Variants in POU6F2 observed in about 807,000 individuals in gnomAD.
POU6F2 encodes the protein POU class 6 homeobox 2.
POU6F2 carries 31 observed loss-of-function variants against 71.3 expected under a neutral mutation model. The ratio of observed to expected loss-of-function variants is 0.43; its 90% CI spans 0.33 to 0.59. The LOEUF is 0.59. Ranked by LOEUF, POU6F2 falls within the 20% of genes least tolerant of loss-of-function variation. POU6F2 has a pLI of 0.04. For synonymous variants in POU6F2, 347 were observed against 355.7 expected (o/e 0.98, Z 0.27); for missense variants, 783 against 856.8 (o/e 0.91, Z 1.07).
At chr7:39,068,482 A>T (rs1790805737) in intron 1 of POU6F2, among the ~76,000 whole-genome samples, 1 of 112,168 alleles carries the variant, frequency 8.9e-6, no homozygotes, top group Non-Finnish European at 1.7e-5. Flanking sequence ...ATATACACCT[A>T]GTACATGCAT....
chr7:39,068,853 G>C (rs539743489), intron 1 of POU6F2, among the ~76,000 whole-genome samples: 6 of 152,176 alleles, frequency 3.9e-5, no homozygotes, highest in African/African-American at 1.4e-4. Flanking sequence ...CCACTGTTTA[G>C]CATTCATAAA....
intron 4 of POU6F2, among the ~76,000 whole-genome samples, chr7:39,266,695 C>CCTT (rs1554336693): frequency 9.5e-6 from 1 of 105,114 alleles, no homozygotes. Flanking sequence ...CGCACCTGGC[C>CCTT]TTTTTTTTTT....
At chr7:39,017,397 C>G (rs1317023485) in intron 1 of POU6F2, among the ~76,000 whole-genome samples, 1 of 152,174 alleles carries the variant, frequency 6.6e-6, no homozygotes, top group Non-Finnish European at 1.5e-5. Context: ...AAATCACCAT[C>G]TTTAGTCGCT....
At position 39,406,615 on chromosome 7, in the gene POU6F2, C is replaced by T. The variant is rs1356328875; in HGVS notation, c.988C>T (p.Leu330=). 2 of 1,613,376 alleles carry T rather than the reference C, an allele frequency of 1.2e-6. No individual in the cohort carries two copies. The highest frequency in any genetic ancestry group is 1.7e-5 in the Admixed American group (1 of 59,998). Reference sequence around the variant, plus strand: ...CTCTTTGCAGCTGGTTAATAATCCACTAGCAAGTCAGGCTGCAGCGGCTGC... The same window carrying T: ...CTCTTTGCAGCTGGTTAATAATCCATTAGCAAGTCAGGCTGCAGCGGCTGC... ...PNPLQLVNNP[L]ASQAAAAAAA... is the part of the protein sequence containing the mutation. The change falls in exon 6 of 10, where the codon CTA becomes TTA. Residue 330 remains leucine (L), a synonymous_variant. Coordinates refer to ENST00000518318, the MANE Select transcript of POU6F2 (RefSeq NM_001370959.1).
intron 2 of POU6F2, among the ~76,000 whole-genome samples, chr7:39,201,749 C>A (rs3924710): frequency 6.6e-6 from 1 of 151,976 alleles, no homozygotes; most frequent in African/African-American, 2.4e-5. Context: ...ATGTCAAATT[C>A]TCTGCAAACG....
chr7:39,461,162 A>T (rs931222127), intron 9 of POU6F2, among the ~76,000 whole-genome samples: 1 of 152,238 alleles, frequency 6.6e-6, no homozygotes, highest in African/African-American at 2.4e-5. Context: ...AAAAAAAATT[A>T]ACTATCTTGT....
In POU6F2 at chr7:39,150,274, T is replaced by C. The variant is rs569189992; in HGVS notation, c.278-53961T>C. On this transcript the variant is annotated intron_variant, in intron 2 of 9. Coordinates refer to ENST00000518318, the MANE Select transcript of POU6F2 (RefSeq NM_001370959.1). ...GTGTGTGTGTGTAGCATCTAGGTTG[T>C]TTTCACCTATTGGCTATTGTGACTA... Among the ~76,000 whole-genome samples the C allele has an allele frequency of 8.8e-4, 123 of 139,512 alleles. 1 individual carries two copies. The highest frequency in any genetic ancestry group is 3.0e-3 in the African/African-American group (111 of 36,640). 91.5% of individuals were successfully genotyped at this position (139,512 alleles called of 152,430 possible). A position where few individuals can be genotyped will look rare whatever the true frequency, so the allele number is the denominator to read the frequency against.
chr7:39,229,869 G>A (rs1461521259), intron 4 of POU6F2, among the ~76,000 whole-genome samples: 2 of 152,122 alleles, frequency 1.3e-5, no homozygotes, highest in Non-Finnish European at 2.9e-5. Context: ...CTCGATGTTC[G>A]TGTGTGGACT....
intron 4 of POU6F2, among the ~76,000 whole-genome samples, chr7:39,213,710 T>C (rs1210408193): frequency 6.6e-6 from 1 of 152,236 alleles, no homozygotes; most frequent in Non-Finnish European, 1.5e-5. Context: ...TACAACAGTA[T>C]AGTAGTTCCT....
chr7:39,119,062 C>T (rs1438828600), intron 2 of POU6F2, among the ~76,000 whole-genome samples: 2 of 152,150 alleles, frequency 1.3e-5, no homozygotes, highest in Non-Finnish European at 2.9e-5. Context: ...GGAGGATTTG[C>T]TCCAGCAAAA....
intron 5 of POU6F2, among the ~76,000 whole-genome samples, chr7:39,368,018 T>C (rs1786538421): frequency 1.3e-5 from 2 of 152,176 alleles, no homozygotes; most frequent in Non-Finnish European, 2.9e-5. Context: ...CAGGCCTCTC[T>C]ATTCCCTGAG....
At chr7:39,183,532 G>A (rs543743717) in intron 2 of POU6F2, among the ~76,000 whole-genome samples, 3 of 152,176 alleles carry the variant, frequency 2.0e-5, no homozygotes, top group South Asian at 4.2e-4. Flanking sequence ...AATAGCAAGG[G>A]GGAAACCTGC....
intron 4 of POU6F2, among the ~76,000 whole-genome samples, chr7:39,315,327 C>G (rs1370058138): frequency 1.3e-5 from 2 of 152,122 alleles, no homozygotes; most frequent in Non-Finnish European, 2.9e-5. Context: ...GCTTGGCTTG[C>G]AGCTGGTCAT....
rs34937385 is a variant in POU6F2, at chr7:39,003,748, C to CA, written c.105+25703dup. Among the ~76,000 whole-genome samples the CA allele has an allele frequency of 6.7e-3, 707 of 106,022 alleles. 6 individuals are homozygous for CA. Among genetic ancestry groups the CA allele is most frequent in the African/African-American group, 0.021 (584 of 28,236 alleles). The allele number at this position is 106,022 out of a possible 152,430, so 69.6% of individuals were successfully genotyped here. A position where few individuals can be genotyped will look rare whatever the true frequency, so the allele number is the denominator to read the frequency against. Reference sequence around the variant, plus strand: ...TGGGCGACAGAGGGAGACTCCGTTTCAAAAAAAAAAAAAGAAGGGAGTGAT... The same window carrying CA: ...TGGGCGACAGAGGGAGACTCCGTTTCAAAAAAAAAAAAAAGAAGGGAGTGAT... On this transcript the variant is annotated intron_variant, in intron 1 of 9. Coordinates refer to ENST00000518318, the MANE Select transcript of POU6F2 (RefSeq NM_001370959.1).
intron 2 of POU6F2, among the ~76,000 whole-genome samples, chr7:39,166,678 T>C (rs953116730): frequency 6.6e-5 from 10 of 152,160 alleles, no homozygotes; most frequent in African/African-American, 2.4e-4. Context: ...TCTCTGGAGC[T>C]TTTTTGTTAC....
intron 4 of POU6F2, among the ~76,000 whole-genome samples, chr7:39,217,581 T>G (rs1401300241): frequency 1.3e-5 from 2 of 152,226 alleles, no homozygotes; most frequent in Non-Finnish European, 2.9e-5. Flanking sequence ...GTTCTTAGTA[T>G]GCAATGATAC....
At chr7:39,391,552 A>G (rs1787075417) in intron 5 of POU6F2, among the ~76,000 whole-genome samples, 1 of 152,200 alleles carries the variant, frequency 6.6e-6, no homozygotes, top group South Asian at 2.1e-4. Context: ...TCTACCATCC[A>G]GGCACAAGAA....
In POU6F2 at chr7:39,042,661, G is replaced by A. The variant is rs73371315; in HGVS notation, c.106-43199G>A. Among the ~76,000 whole-genome samples the A allele has an allele frequency of 5.0e-3, 762 of 152,116 alleles. 8 individuals are homozygous for A. Among genetic ancestry groups the A allele is most frequent in the African/African-American group, 0.018 (733 of 41,548 alleles). On this transcript the variant is annotated intron_variant, in intron 1 of 9. Transcript: ENST00000518318. ...GTCACATTCATCAACAAACAGTGTAGACCTCACCCCAGGTGTATTCCCTTT... is the reference window on the plus strand; with the variant it reads ...GTCACATTCATCAACAAACAGTGTAAACCTCACCCCAGGTGTATTCCCTTT...
chr7:39,203,741 A>G (rs1793952067), intron 2 of POU6F2, among the ~76,000 whole-genome samples: 1 of 152,146 alleles, frequency 6.6e-6, no homozygotes, highest in South Asian at 2.1e-4. Context: ...ATAAGGTGAT[A>G]TGGAAAAAGG....
Sources: allele counts gnomAD v4.1 joint callset (sites outside exome capture counted in the v4.1 genomes callset), GRCh38; gene constraint gnomAD v4.1.1; transcripts MANE v1.5; gene names NCBI Gene and HGNC (gene_info 2026-07-23, HGNC 2026-07-21).